ADGRL4: variants seen among roughly 807,000 people sequenced by gnomAD.
ADGRL4 encodes the protein EGF, latrophilin and seven transmembrane domain containing 1.
In ADGRL4, 90 loss-of-function variants were observed where a neutral mutation model predicts 74.8. The observed-to-expected ratio is 1.20, with a 90% CI of 1.02 to 1.43. The LOEUF (loss-of-function observed/expected upper bound fraction) is 1.43, where lower values mean the gene tolerates loss of function less well. Ranked by LOEUF, ADGRL4 falls within the 40% of genes most tolerant of loss-of-function variation. The pLI is 0.00. For missense variants in ADGRL4, 881 were observed against 814.3 expected, an observed-to-expected ratio of 1.08 and a Z score of -1.00; for synonymous variants, 311 against 279.2, an observed-to-expected ratio of 1.11 and a Z score of -1.14.
At chr1:78,988,456 A>G (rs547532213) in intron 2 of ADGRL4, among the ~76,000 whole-genome samples, 1 of 152,024 alleles carries the variant, frequency 6.6e-6, no homozygotes, top group East Asian at 1.9e-4. Flanking sequence ...TTCAAATGCA[A>G]TGAGCAAATA....
intron 8 of ADGRL4, among the ~76,000 whole-genome samples, chr1:78,922,972 A>T (rs1174179614): frequency 6.6e-6 from 1 of 152,010 alleles, no homozygotes; most frequent in Non-Finnish European, 1.5e-5. Context: ...TTTTAATGGG[A>T]TAGATGCTAA....
In ADGRL4 at chr1:78,984,800, G is replaced by T. The variant is rs1650461719; in HGVS notation, c.172+20270C>A. Among the ~76,000 whole-genome samples the T allele has an allele frequency of 2.0e-5, 3 of 151,570 alleles. No individual in the cohort carries two copies. The South Asian group carries it at 6.2e-4, about 31-fold the overall frequency. On this transcript the variant is annotated intron_variant, in intron 2 of 14. Transcript: ENST00000370742. ...GAGAATCTATAGTGAAAATAACCCC[G>T]GATAGGGCTAAAACCTTTTCAACAT...
intron 7 of ADGRL4, among the ~76,000 whole-genome samples, chr1:78,928,115 A>T (rs894757836): frequency 6.6e-6 from 1 of 151,608 alleles, no homozygotes; most frequent in Non-Finnish European, 1.5e-5. Context: ...ATGTCGTGGG[A>T]CAGTGGCATC....
chr1:78,920,585 T>C (rs552449046), intron 9 of ADGRL4, among the ~76,000 whole-genome samples, 199 bp from the exon 10 acceptor site: 2 of 152,002 alleles, frequency 1.3e-5, no homozygotes, highest in East Asian at 3.9e-4. Context: ...CTGATGTAAA[T>C]CATGTAGCAC....
At chr1:78,897,658 T>G (rs550186446) in intron 12 of ADGRL4, among the ~76,000 whole-genome samples, 1 of 152,300 alleles carries the variant, frequency 6.6e-6, no homozygotes, top group South Asian at 2.1e-4. Flanking sequence ...ATCAGAATAA[T>G]AACTTTTGCC....
chr1:78,983,009 G>A (rs1480787041), intron 2 of ADGRL4, among the ~76,000 whole-genome samples: 1 of 151,824 alleles, frequency 6.6e-6, no homozygotes, highest in Non-Finnish European at 1.5e-5. Context: ...GGGGCAGAGG[G>A]AGAGTGGGAG....
At chr1:78,936,233 G>T in intron 7 of ADGRL4, 62 bp downstream of exon 7, 1 of 1,510,334 alleles carries the variant, frequency 6.6e-7, no homozygotes. Context: ...ATAATCAAAT[G>T]CATGATAAAT....
intron 12 of ADGRL4, among the ~76,000 whole-genome samples, chr1:78,906,390 CA>C (rs1215122159): frequency 6.6e-6 from 1 of 151,786 alleles, no homozygotes; most frequent in Non-Finnish European, 1.5e-5. Context: ...TTACTAGTCT[CA>C]AAAACAGAAT....
intron 2 of ADGRL4, among the ~76,000 whole-genome samples, chr1:78,968,530 G>A (rs1466558961): frequency 3.0e-4 from 45 of 150,700 alleles, no homozygotes; most frequent in Non-Finnish European, 4.1e-4. Flanking sequence ...GACGGGGGTC[G>A]GCAATCAGTT....
intron 2 of ADGRL4, among the ~76,000 whole-genome samples, chr1:78,979,388 T>C (rs1650355402): frequency 6.6e-6 from 1 of 151,996 alleles, no homozygotes; most frequent in Admixed American, 6.6e-5. Flanking sequence ...TTCAAACCTA[T>C]GAAGTACTTG....
chr1:78,943,720 CAACG>C (rs1327960168), intron 3 of ADGRL4, among the ~76,000 whole-genome samples: 1 of 152,066 alleles, frequency 6.6e-6, no homozygotes, highest in Non-Finnish European at 1.5e-5. Flanking sequence ...TGATATTGTG[CAACG>C]AAAATTACTG....
At chr1:78,979,878 G>A (rs1481157224) in intron 2 of ADGRL4, among the ~76,000 whole-genome samples, 3 of 151,862 alleles carry the variant, frequency 2.0e-5, no homozygotes, top group Non-Finnish European at 4.4e-5. Context: ...ATGGACTTTA[G>A]GAACTTGAGG....
In ADGRL4 at chr1:78,938,430, C is replaced by A. The variant is rs1196616602; in HGVS notation, c.397-151G>T. 2.6e-5 allele frequency: 13 copies of A among 495,646 alleles called. No individual in the cohort carries two copies. The Admixed American group carries it at 5.4e-4, about 21-fold the overall frequency. 30.7% of individuals were successfully genotyped at this position (495,646 alleles called of 1,614,324 possible). ...ACTAATAAACCTAAACCATAACATG[C>A]ATCATTGAAACCTGAATTTATTTAC... On this transcript the variant is annotated intron_variant, in intron 4 of 14. Coordinates refer to ENST00000370742, the MANE Select transcript of ADGRL4 (RefSeq NM_022159.4).
At chr1:78,982,488 A>G (rs1650415554) in intron 2 of ADGRL4, among the ~76,000 whole-genome samples, 5 of 151,940 alleles carry the variant, frequency 3.3e-5, no homozygotes, top group Admixed American at 3.3e-4. Flanking sequence ...TGGTAGCACA[A>G]CCATGTCATC....
intron 12 of ADGRL4, among the ~76,000 whole-genome samples, chr1:78,915,318 A>C (rs1648848871): frequency 1.3e-5 from 2 of 151,764 alleles, no homozygotes; most frequent in Non-Finnish European, 1.5e-5. Context: ...AAACTCTCAT[A>C]AAAAATGCTC....
intron 6 of ADGRL4, among the ~76,000 whole-genome samples, chr1:78,937,449 C>T (rs1649378663): frequency 6.6e-6 from 1 of 152,116 alleles, no homozygotes; most frequent in Non-Finnish European, 1.5e-5. Flanking sequence ...TGTCTTTAAA[C>T]AAACAGACAA....
chr1:78,980,060 A>G (rs527282030), intron 2 of ADGRL4, among the ~76,000 whole-genome samples: 1 of 152,002 alleles, frequency 6.6e-6, no homozygotes, highest in East Asian at 1.9e-4. Flanking sequence ...CAAAAGAAGA[A>G]CACTAATGTT....
chr1:78,937,121 A>T (rs1393286320), intron 6 of ADGRL4, among the ~76,000 whole-genome samples: 1 of 152,220 alleles, frequency 6.6e-6, no homozygotes, highest in Non-Finnish European at 1.5e-5. Context: ...TATTATGAAC[A>T]TGCAAAGGAT....
At chr1:78,984,417 A>C (rs1291364559) in intron 2 of ADGRL4, among the ~76,000 whole-genome samples, 2 of 151,760 alleles carry the variant, frequency 1.3e-5, no homozygotes, top group Non-Finnish European at 2.9e-5. Flanking sequence ...GTAAATGTCC[A>C]CCAGGAAACA....
Sources: allele counts gnomAD v4.1 joint callset (sites outside exome capture counted in the v4.1 genomes callset), GRCh38; gene constraint gnomAD v4.1.1; transcripts MANE v1.5; gene names NCBI Gene and HGNC (gene_info 2026-07-23, HGNC 2026-07-21).